SFT2D1: variants seen among roughly 807,000 people sequenced by gnomAD.
SFT2D1 encodes vesicle transport protein SFT2A.
Under a neutral mutation model 28.1 loss-of-function variants are expected in SFT2D1, and 24 were observed. The ratio of observed to expected loss-of-function variants is 0.85; its 90% CI spans 0.62 to 1.20. SFT2D1 has a LOEUF of 1.20. Ranked by LOEUF, SFT2D1 falls within the 50% of genes most tolerant of loss-of-function variation. The pLI, the probability that SFT2D1 is intolerant of heterozygous loss-of-function variation, is 0.00. For missense variants in SFT2D1, 181 were observed against 190.9 expected (o/e 0.95, Z 0.31); for synonymous variants, 82 against 73.7 (o/e 1.11, Z -0.58).
intron 1 of SFT2D1, among the ~76,000 whole-genome samples, chr6:166,331,033 A>G (rs996598302): frequency 1.3e-5 from 2 of 152,226 alleles, no homozygotes; most frequent in African/African-American, 4.8e-5. Context: ...ATTCCTATAT[A>G]CCATGCAAAT....
At chr6:166,342,307 A>T in intron 1 of SFT2D1, 112 bp downstream of exon 1, 1 of 889,162 alleles carries the variant, frequency 1.1e-6, no homozygotes, top group South Asian at 1.8e-5. Flanking sequence ...CCAGCCGGGC[A>T]GAGGAGTCCC....
At chr6:166,335,105 G>C in intron 1 of SFT2D1, 3 of 582,224 alleles carry the variant, frequency 5.2e-6, no homozygotes, top group South Asian at 2.8e-5. Context: ...TGTGAAGTTA[G>C]GGAAGTCCTG....
In SFT2D1 at chr6:166,320,216, T is replaced by TTCAA; in HGVS notation, c.477_480dup. On this transcript the variant is annotated 3_prime_UTR_variant, in exon 8 of 8. Transcript: ENST00000361731. ...TGCTCTTTTCCACAAGTTTCTGATT[T>TTCAA]TCAACTTAGGAGAGAAGAACAGCAT... 6.2e-7 allele frequency: 1 copy of TTCAA among 1,610,586 alleles called. No individual in the cohort carries two copies. Among genetic ancestry groups the TTCAA allele is most frequent in the Non-Finnish European group, 8.5e-7 (1 of 1,178,932 alleles).
At chr6:166,321,908 G>T (rs1778364859) in intron 7 of SFT2D1, among the ~76,000 whole-genome samples, 1 of 152,110 alleles carries the variant, frequency 6.6e-6, no homozygotes. Flanking sequence ...TATTGAGATG[G>T]AGTCTGGCTC....
At chr6:166,329,057 A>G (rs1016251126) in intron 3 of SFT2D1, among the ~76,000 whole-genome samples, 9 of 152,110 alleles carry the variant, frequency 5.9e-5, no homozygotes, top group African/African-American at 2.2e-4. Flanking sequence ...CAGCAGCTCC[A>G]AGCCTGGGCT....
At chr6:166,330,788 G>C (rs972071590) in intron 1 of SFT2D1, among the ~76,000 whole-genome samples, 1 of 152,184 alleles carries the variant, frequency 6.6e-6, no homozygotes, top group Non-Finnish European at 1.5e-5. Flanking sequence ...ACCTCCCTTC[G>C]GCCGGTCATT....
chr6:166,323,957 G>A (rs1778399313), intron 6 of SFT2D1: 1 of 148,768 alleles, frequency 6.7e-6, no homozygotes, highest in Admixed American at 6.8e-5. Flanking sequence ...AGTGAGCCAA[G>A]ATAATGCCAC....
intron 4 of SFT2D1, among the ~76,000 whole-genome samples, chr6:166,327,151 A>G (rs1435325027): frequency 6.6e-6 from 1 of 152,248 alleles, no homozygotes; most frequent in Non-Finnish European, 1.5e-5. Flanking sequence ...AAATTAACAT[A>G]GGTTAGCTGT....
At chr6:166,325,938 A>G (rs1778436923) in intron 5 of SFT2D1, 194 bp downstream of exon 5, 1 of 627,054 alleles carries the variant, frequency 1.6e-6, no homozygotes, top group Non-Finnish European at 2.9e-6. Flanking sequence ...GACTACCTCT[A>G]TGCTGTAGAC....
At chr6:166,331,976 A>G (rs1778561140) in intron 1 of SFT2D1, among the ~76,000 whole-genome samples, 1 of 152,234 alleles carries the variant, frequency 6.6e-6, no homozygotes, top group East Asian at 1.9e-4. Flanking sequence ...TCTCTCAGCA[A>G]GGAAACAGCA....
chr6:166,336,850 A>G (rs1490266270), intron 1 of SFT2D1, among the ~76,000 whole-genome samples: 2 of 152,222 alleles, frequency 1.3e-5, no homozygotes, highest in Non-Finnish European at 2.9e-5. Context: ...GATTATAGGC[A>G]TGAGCCACTG....
intron 1 of SFT2D1, among the ~76,000 whole-genome samples, chr6:166,341,089 T>C (rs1353247787): frequency 2.0e-5 from 3 of 152,240 alleles, no homozygotes; most frequent in African/African-American, 4.8e-5. Flanking sequence ...CTACTGAACA[T>C]GTGAAATGTG....
chr6:166,328,242 CA>C, intron 4 of SFT2D1, 33 bp downstream of exon 4: 1 of 1,377,762 alleles, frequency 7.3e-7, no homozygotes, highest in Non-Finnish European at 1.0e-6. Flanking sequence ...AAGAATACTT[CA>C]ATAAAAGTTT....
rs1778408218 is a variant in SFT2D1 at position 166,324,454 on chromosome 6, G to A, written c.410+83C>T. The A allele has an allele frequency of 8.8e-6, 12 of 1,368,186 alleles. 1 individual carries two copies. Among genetic ancestry groups the A allele is most frequent in the South Asian group, 2.6e-5 (2 of 78,398 alleles). 84.8% of individuals were successfully genotyped at this position (1,368,186 alleles called of 1,614,324 possible). A position where few individuals can be genotyped will look rare whatever the true frequency, so the allele number is the denominator to read the frequency against. On this transcript the variant is annotated intron_variant, in intron 6 of 7. Transcript: ENST00000361731. The stretch of plus-strand genomic sequence containing the variant: ...CTGGCTCCAAAACACCAGACGAAAT[G>A]CTAGGGCTTCACAGGTCCCAAACAA...
At position 166,341,549 on chromosome 6, in the gene SFT2D1, A is replaced by T. The variant is rs79366265; in HGVS notation, c.63+870T>A. 2.3e-3 allele frequency among the ~76,000 whole-genome samples: 357 copies of T among 152,302 alleles called. 1 individual carries two copies. The highest frequency in any genetic ancestry group is 8.1e-3 in the African/African-American group (336 of 41,548). ...CAGATACTTGTCTTACACTCTCTGA[A>T]CCCAAAACTGTAGCCCAGAACTCTA... On this transcript the variant is annotated intron_variant, in intron 1 of 7. Coordinates refer to ENST00000361731, the MANE Select transcript of SFT2D1 (RefSeq NM_145169.3).
intron 1 of SFT2D1, chr6:166,335,198 GT>G: frequency 1.6e-6 from 1 of 617,118 alleles, no homozygotes; most frequent in Non-Finnish European, 3.0e-6. Context: ...TGTGGAGGTG[GT>G]TTTGGTGGGA....
At chr6:166,335,295 G>A (rs1340060098) in intron 1 of SFT2D1, 1 of 579,272 alleles carries the variant, frequency 1.7e-6, no homozygotes, top group Non-Finnish European at 3.3e-6. Flanking sequence ...GGATACAGTG[G>A]CAGCAGGGAT....
chr6:166,329,503 G>A lies in SFT2D1; in HGVS notation c.233+4C>T, dbSNP rs200438696. 164 of 1,603,658 alleles carry A rather than the reference G, an allele frequency of 1.0e-4. No individual in the cohort carries two copies. Among genetic ancestry groups the A allele is most frequent in the Non-Finnish European group, 1.3e-4 (152 of 1,173,822 alleles). ...AACAAGATATTTTGAGAAGCCAAAC[G>A]TACCTGGCTAACGCAGCAAGATTGC... On this transcript the variant is annotated splice_donor_region_variant and intron_variant, in intron 3 of 7. Coordinates refer to ENST00000361731, the MANE Select transcript of SFT2D1 (RefSeq NM_145169.3).
At chr6:166,342,177 G>A (rs1375637018) in intron 1 of SFT2D1, among the ~76,000 whole-genome samples, 3 of 151,078 alleles carry the variant, frequency 2.0e-5, no homozygotes, top group Non-Finnish European at 4.4e-5. Context: ...GGATTCCTAA[G>A]TCAGAAGGCC....
Sources: allele counts gnomAD v4.1 joint callset (sites outside exome capture counted in the v4.1 genomes callset), GRCh38; gene constraint gnomAD v4.1.1; transcripts MANE v1.5; gene names NCBI Gene and HGNC (gene_info 2026-07-23, HGNC 2026-07-21).